The following DSTYK variants were observed in gnomAD, a reference collection of about 807,000 sequenced individuals.
DSTYK encodes RIP-homologous kinase.
A neutral mutation model predicts 98.7 loss-of-function variants in DSTYK; 34 were observed. That is an observed-to-expected ratio of 0.34 (90% confidence interval 0.26 to 0.46). DSTYK has a LOEUF of 0.46. Ranked by LOEUF, DSTYK falls within the 20% of genes least tolerant of loss-of-function variation. DSTYK has a pLI of 1.00. For synonymous variants in DSTYK, 462 were observed against 457.3 expected (o/e 1.01, Z -0.13); for missense variants, 962 against 1,181.7 (o/e 0.81, Z 2.73).
intron 10 of DSTYK, 136 bp downstream of exon 10, chr1:205,157,137 A>T: frequency 1.5e-6 from 1 of 668,324 alleles, no homozygotes; most frequent in South Asian, 1.9e-5. Flanking sequence ...GTATGTCTTT[A>T]CTAGCAGCGT....
At chr1:205,180,576 C>T (rs373832260) in intron 2 of DSTYK, among the ~76,000 whole-genome samples, 11 of 152,276 alleles carry the variant, frequency 7.2e-5, no homozygotes, top group African/African-American at 2.2e-4. Flanking sequence ...GTGGTCTTCC[C>T]GCCTCAGCCT....
rs1657309850 is a variant in DSTYK at position 205,148,478 on chromosome 1, AG to A, written c.2468-140del. ...TCTCTCAATAACAACCCTGCCAGGT[AG>A]GCAGGGTACATTTATAATGCCCATT... On this transcript the variant is annotated intron_variant, in intron 11 of 12. Coordinates refer to ENST00000367162, the MANE Select transcript of DSTYK (RefSeq NM_015375.3). 29 of 1,025,954 alleles carry A rather than the reference AG, an allele frequency of 2.8e-5. No individual in the cohort carries two copies. In the South Asian group the frequency reaches 4.6e-4, roughly 16 times the overall value. The allele number at this position is 1,025,954 out of a possible 1,614,324, so 63.6% of individuals were successfully genotyped here. A position where few individuals can be genotyped will look rare whatever the true frequency, so the allele number is the denominator to read the frequency against.
Position 205,147,421 on chromosome 1 carries a change from G to A in DSTYK, c.*137C>T. 1.1e-6 allele frequency: 1 copy of A among 922,960 alleles called. No homozygotes were observed. Among genetic ancestry groups the A allele is most frequent in the East Asian group, 2.5e-5 (1 of 40,618 alleles). The allele number at this position is 922,960 out of a possible 1,614,324, so 57.2% of individuals were successfully genotyped here. ...CTGTCCAGGAGTCATCCCTGCCTGG[G>A]AAGGTTCCAAGTTTCCCAGCAAGCA... is the stretch of plus-strand genomic sequence containing the variant. On this transcript the variant is annotated 3_prime_UTR_variant, in exon 13 of 13. Coordinates refer to ENST00000367162, the MANE Select transcript of DSTYK (RefSeq NM_015375.3).
chr1:205,175,798 T>C (rs796788595), intron 2 of DSTYK, among the ~76,000 whole-genome samples: 1 of 152,350 alleles, frequency 6.6e-6, no homozygotes, highest in African/African-American at 2.4e-5. Context: ...ATATACCTTC[T>C]TAGCACCTAG....
Position 205,150,629 on chromosome 1 carries a change from G to A in DSTYK, c.2467+51C>T, listed in dbSNP as rs1260287321. 3 of 1,429,746 alleles carry A rather than the reference G, an allele frequency of 2.1e-6. No individual in the cohort carries two copies. The highest frequency in any genetic ancestry group is 2.3e-5 in the South Asian group (2 of 86,550). 88.6% of individuals were successfully genotyped at this position (1,429,746 alleles called of 1,614,324 possible). ...AACGAGCTCAAGGGGTAGCACTCAG[G>A]ATTAAAGTAGTACGCCCTGCCCAGA... On this transcript the variant is annotated intron_variant, in intron 11 of 12. Coordinates refer to ENST00000367162, the MANE Select transcript of DSTYK (RefSeq NM_015375.3). This position sits in a 1 kb window ranked among gnomAD's most constrained non-coding sequence, Gnocchi z 4.1.
At chr1:205,185,454 C>A (rs1360723949) in intron 2 of DSTYK, among the ~76,000 whole-genome samples, 10 of 152,052 alleles carry the variant, frequency 6.6e-5, no homozygotes, top group African/African-American at 2.4e-4. Flanking sequence ...TTCAAGCAAT[C>A]CTCATGCCTC....
At position 205,150,887 on chromosome 1, in the gene DSTYK, G is replaced by T; in HGVS notation, c.2353-93C>A. On this transcript the variant is annotated intron_variant, in intron 10 of 12. Coordinates refer to ENST00000367162, the MANE Select transcript of DSTYK (RefSeq NM_015375.3). The surrounding 1 kb of genome is among the most constrained non-coding windows in gnomAD (Gnocchi z 4.1). ...GCTCAAAGGTAGGTACCTCAAAGTA[G>T]TGTCACTGGATAGGATTATGCTCTG... The T allele has an allele frequency of 1.1e-6, 1 of 921,224 alleles. No homozygotes were observed. Among genetic ancestry groups the T allele is most frequent in the Non-Finnish European group, 1.8e-6 (1 of 567,302 alleles). 57.1% of individuals were successfully genotyped at this position (921,224 alleles called of 1,614,324 possible).
chr1:205,172,667 C>T (rs1195230134), intron 2 of DSTYK, among the ~76,000 whole-genome samples: 2 of 152,072 alleles, frequency 1.3e-5, no homozygotes, highest in Non-Finnish European at 2.9e-5. Flanking sequence ...ATCTCACTTT[C>T]TTTTCTCACA....
rs1197914443 is a variant in DSTYK, at chr1:205,146,389, C to T, written c.*1169G>A. ...CTCCTAAGTACCATGTTATCTGGAG[C>T]TTTCCCACTTTGAGATGAAAAGAGG... On this transcript the variant is annotated 3_prime_UTR_variant, in exon 13 of 13. Coordinates refer to ENST00000367162, the MANE Select transcript of DSTYK (RefSeq NM_015375.3). 1 of 152,090 alleles carries T rather than the reference C, an allele frequency of 6.6e-6. No homozygotes were observed. The highest frequency in any genetic ancestry group is 1.9e-4 in the East Asian group (1 of 5,196). 9.4% of individuals were successfully genotyped at this position (152,090 alleles called of 1,614,324 possible).
rs929417672 is a variant in DSTYK, at chr1:205,163,123, C to T, written c.1558-117G>A. 1.2e-5 allele frequency: 10 copies of T among 826,266 alleles called. No individual in the cohort carries two copies. The Admixed American group carries it at 1.9e-4, about 15-fold the overall frequency. 51.2% of individuals were successfully genotyped at this position (826,266 alleles called of 1,614,324 possible). A position where few individuals can be genotyped will look rare whatever the true frequency, so the allele number is the denominator to read the frequency against. On this transcript the variant is annotated intron_variant, in intron 4 of 12. Coordinates refer to ENST00000367162, the MANE Select transcript of DSTYK (RefSeq NM_015375.3). ...AGACTCAGGGTTTCCAAACTTACCC[C>T]TCAATATATATGCAGAGTCAACTTA...
In DSTYK at chr1:205,166,492, C is replaced by T. The variant is rs537683749; in HGVS notation, c.1325-2537G>A. On this transcript the variant is annotated intron_variant, in intron 3 of 12. Transcript: ENST00000367162. ...TTTACAAAAAAAAAAAAAAATCTGG[C>T]TCCATAGAATATGTGCTAGCTTGCT... 2.6e-5 allele frequency among the ~76,000 whole-genome samples: 4 copies of T among 151,616 alleles called. No homozygotes were observed. The South Asian group carries it at 6.3e-4, about 24-fold the overall frequency.
At chr1:205,196,013 A>AT (rs1658855025) in intron 1 of DSTYK, among the ~76,000 whole-genome samples, 2 of 152,224 alleles carry the variant, frequency 1.3e-5, no homozygotes, top group South Asian at 4.1e-4. Context: ...AACGCAGTGT[A>AT]TAACAGTTTA....
chr1:205,183,370 T>C (rs1658476548), intron 2 of DSTYK, among the ~76,000 whole-genome samples: 1 of 152,206 alleles, frequency 6.6e-6, no homozygotes, highest in Non-Finnish European at 1.5e-5. Context: ...TGTTGAATTA[T>C]GAACTGAGAA....
At chr1:205,156,462 G>A (rs1410198203) in intron 10 of DSTYK, among the ~76,000 whole-genome samples, 30 of 152,198 alleles carry the variant, frequency 2.0e-4, no homozygotes. Flanking sequence ...AGTCAAAGAA[G>A]ATGATTTTGG....
intron 1 of DSTYK, among the ~76,000 whole-genome samples, chr1:205,198,834 CTTT>C (rs5780273): frequency 1.2e-4 from 16 of 128,184 alleles, no homozygotes; most frequent in Non-Finnish European, 1.5e-4. Flanking sequence ...GGCACTAAAG[CTTT>C]TTTTTTTTTT....
Position 205,211,338 on chromosome 1 carries a change from G to A in DSTYK, c.198C>T (p.Ser66=), listed in dbSNP as rs763208054. 29 of 1,611,658 alleles carry A rather than the reference G, an allele frequency of 1.8e-5. No homozygotes were observed. Among genetic ancestry groups the A allele is most frequent in the Non-Finnish European group, 2.3e-5 (27 of 1,179,168 alleles). Residue 66 remains serine, a synonymous_variant, in exon 1 of 13, where the codon TCC becomes TCT. Coordinates refer to ENST00000367162, the MANE Select transcript of DSTYK (RefSeq NM_015375.3). ...KCSHNHTCLS[S]LTGGGGAERG... ...GCTCGGCCCCGCCGCCGCCCGTGAG[G>A]GAGGAGAGACAAGTGTGGTTGTGGG...
At chr1:205,159,906 G>A (rs1657667440) in intron 8 of DSTYK, 1 of 800,480 alleles carries the variant, frequency 1.2e-6, no homozygotes, top group Non-Finnish European at 2.0e-6. Flanking sequence ...AAAGAAGAAA[G>A]TTAAATGGAA....
rs189235676 is a variant in DSTYK, at chr1:205,182,750, G to A, written c.654+4668C>T. Among the ~76,000 whole-genome samples, 605 of 151,448 alleles carry A rather than the reference G, an allele frequency of 4.0e-3. 2 individuals carry two copies. The highest frequency in any genetic ancestry group is 5.8e-3 in the Non-Finnish European group (396 of 67,928). ...GAACCTGGGAGGCAGAGGTTGCAGC[G>A]AGCCGAGATTGCGTCATTGCATTCC... is the stretch of plus-strand genomic sequence containing the variant. On this transcript the variant is annotated intron_variant, in intron 2 of 12. Coordinates refer to ENST00000367162, the MANE Select transcript of DSTYK (RefSeq NM_015375.3).
intron 9 of DSTYK, among the ~76,000 whole-genome samples, chr1:205,158,119 T>C (rs1309879668): frequency 1.3e-5 from 2 of 152,208 alleles, no homozygotes; most frequent in Admixed American, 6.5e-5. Flanking sequence ...GTCTCCTGAA[T>C]ACTGGAAAAT....
Sources: allele counts gnomAD v4.1 joint callset (sites outside exome capture counted in the v4.1 genomes callset), GRCh38; gene constraint gnomAD v4.1.1; non-coding constraint Gnocchi (gnomAD v3.1); transcripts MANE v1.5; gene names NCBI Gene and HGNC (gene_info 2026-07-23, HGNC 2026-07-21).